The following ZEB1 variants were observed in gnomAD, a reference collection of about 807,000 sequenced individuals.
ZEB1 encodes the protein zinc finger E-box binding homeobox 1.
ZEB1 carries 21 observed loss-of-function variants against 84.9 expected under a neutral mutation model. The ratio of observed to expected loss-of-function variants is 0.25; its 90% confidence interval spans 0.18 to 0.36. The LOEUF (loss-of-function observed/expected upper bound fraction) is 0.36. Among genes scored for constraint, ZEB1 ranks in the 10% least tolerant of loss-of-function variants. The probability of loss-of-function intolerance (pLI) is 1.00; values close to 1 mark genes in which losing one functional copy is unlikely to be tolerated. For synonymous variants in ZEB1, 420 were observed against 471.1 expected, an observed-to-expected ratio of 0.89 and a Z score of 1.41; for missense variants, 1,104 against 1,330.2, an observed-to-expected ratio of 0.83 and a Z score of 2.65.
At chr10:31,469,348 G>C (rs962385987) in intron 2 of ZEB1, among the ~76,000 whole-genome samples, 1 of 152,142 alleles carries the variant, frequency 6.6e-6, no homozygotes, top group East Asian at 1.9e-4. Context: ...CAGGTCAGTG[G>C]GTGCGCGCAC....
At chr10:31,361,700 T>C (rs972608080) in intron 1 of ZEB1, among the ~76,000 whole-genome samples, 1 of 151,234 alleles carries the variant, frequency 6.6e-6, no homozygotes, top group African/African-American at 2.4e-5. Flanking sequence ...GCAGGGGCGC[T>C]CCTCACTTCC....
At chr10:31,496,002 A>G (rs2067178665) in intron 3 of ZEB1, among the ~76,000 whole-genome samples, 164 bp downstream of exon 3, 1 of 152,126 alleles carries the variant, frequency 6.6e-6, no homozygotes, top group South Asian at 2.1e-4. Flanking sequence ...CATAAAAAGA[A>G]GTAAATATTC....
chr10:31,359,059 ATGAC>A (rs2042569851), intron 1 of ZEB1, among the ~76,000 whole-genome samples: 1 of 152,188 alleles, frequency 6.6e-6, no homozygotes, highest in African/African-American at 2.4e-5. Flanking sequence ...AAACAAATAA[ATGAC>A]TGTGCTCTTG....
At chr10:31,433,285 C>T (rs1253113743) in intron 1 of ZEB1, among the ~76,000 whole-genome samples, 1 of 152,168 alleles carries the variant, frequency 6.6e-6, no homozygotes, top group Non-Finnish European at 1.5e-5. Context: ...ATAGCAGCAC[C>T]AATCTCTTCA....
At chr10:31,482,277 A>G (rs567330563) in intron 2 of ZEB1, among the ~76,000 whole-genome samples, 2 of 152,064 alleles carry the variant, frequency 1.3e-5, no homozygotes, top group Non-Finnish European at 2.9e-5. Flanking sequence ...CATCAGAGAA[A>G]TCCAAGTTGA....
chr10:31,507,937 G>T (rs2139418185), intron 4 of ZEB1, among the ~76,000 whole-genome samples: 1 of 152,008 alleles, frequency 6.6e-6, no homozygotes, highest in Middle Eastern at 3.4e-3. Context: ...CACACATCTG[G>T]TATAATAGTC....
At chr10:31,522,535 T>C (rs113624935) in intron 7 of ZEB1, among the ~76,000 whole-genome samples, 10 of 152,194 alleles carry the variant, frequency 6.6e-5, no homozygotes, top group East Asian at 1.9e-4. Context: ...AAAATACATA[T>C]GCATTTTCCT....
At chr10:31,326,318 A>G (rs1275410401) in intron 1 of ZEB1, among the ~76,000 whole-genome samples, 2 of 152,054 alleles carry the variant, frequency 1.3e-5, no homozygotes, top group South Asian at 2.1e-4. Context: ...GTATCTCTTT[A>G]ACGTTTTCTC....
chr10:31,458,322 TGTGTGTGTGTGTG>T (rs1250227980), intron 1 of ZEB1, among the ~76,000 whole-genome samples: 12 of 122,468 alleles, frequency 9.8e-5, no homozygotes, highest in African/African-American at 7.9e-4. Flanking sequence ...CGTGTGTGTG[TGTGTGTGTGTGTG>T]TTGTGTGTGT....
At chr10:31,415,564 T>C (rs150058563) in intron 1 of ZEB1, among the ~76,000 whole-genome samples, 2,305 of 152,222 alleles carry the variant, frequency 0.015, 44 homozygotes, top group African/African-American at 0.052. Flanking sequence ...CTTGTTTAAA[T>C]TATCAGATAT....
chr10:31,334,822 TC>T (rs1218481736), intron 1 of ZEB1, among the ~76,000 whole-genome samples: 1 of 151,910 alleles, frequency 6.6e-6, no homozygotes, highest in African/African-American at 2.4e-5. Context: ...AAAATGTAGC[TC>T]ATGCTGGCCC....
At chr10:31,500,007 G>T (rs1352692257) in intron 3 of ZEB1, among the ~76,000 whole-genome samples, 1 of 151,880 alleles carries the variant, frequency 6.6e-6, no homozygotes, top group Non-Finnish European at 1.5e-5. Flanking sequence ...TCTGAAAAGT[G>T]TATACTATTT....
intron 1 of ZEB1, among the ~76,000 whole-genome samples, chr10:31,414,894 G>T (rs1372157122): frequency 6.6e-6 from 1 of 152,096 alleles, no homozygotes; most frequent in Non-Finnish European, 1.5e-5. Flanking sequence ...CTCAAAGAAT[G>T]ATAAAAGCAT....
chr10:31,441,288 C>A (rs1011742280), intron 1 of ZEB1, among the ~76,000 whole-genome samples: 2 of 151,986 alleles, frequency 1.3e-5, no homozygotes, highest in South Asian at 2.1e-4. Context: ...ACAAACCTGA[C>A]AAAAAGAAGA....
chr10:31,321,265 C>T (rs2033963427), intron 1 of ZEB1: 1 of 1,297,290 alleles, frequency 7.7e-7, no homozygotes, highest in African/African-American at 1.5e-5. Flanking sequence ...TGTTTCCTTC[C>T]AATCCATAAT....
intron 1 of ZEB1, among the ~76,000 whole-genome samples, chr10:31,336,320 T>C (rs1199263141): frequency 2.0e-5 from 3 of 152,094 alleles, no homozygotes; most frequent in Non-Finnish European, 4.4e-5. Flanking sequence ...CTTTCAATAA[T>C]TGGGGTTGTT....
intron 1 of ZEB1, chr10:31,363,914 C>A (rs1328162466): frequency 3.8e-6 from 5 of 1,312,290 alleles, no homozygotes; most frequent in African/African-American, 1.5e-5. Flanking sequence ...ATTCCCCGGG[C>A]AGGCACAGGT....
chr10:31,332,613 A>G (rs1489682713), intron 1 of ZEB1, among the ~76,000 whole-genome samples: 1 of 152,202 alleles, frequency 6.6e-6, no homozygotes, highest in Non-Finnish European at 1.5e-5. Flanking sequence ...GAATAGCTGT[A>G]ATTCAGGCCT....
intron 1 of ZEB1, among the ~76,000 whole-genome samples, chr10:31,412,708 A>T (rs973720117): frequency 6.6e-5 from 10 of 152,142 alleles, no homozygotes; most frequent in African/African-American, 2.4e-4. Context: ...AATGCTATGG[A>T]CTCATTGGCT....
Sources: allele counts gnomAD v4.1 joint callset (sites outside exome capture counted in the v4.1 genomes callset), GRCh38; gene constraint gnomAD v4.1.1; transcripts MANE v1.5; gene names NCBI Gene and HGNC (gene_info 2026-07-23, HGNC 2026-07-21).